The following CACNA1C variants were observed in gnomAD, a reference collection of about 807,000 sequenced individuals.
CACNA1C encodes calcium voltage-gated channel subunit alpha1 C, also known as voltage-dependent L-type calcium channel subunit alpha-1C.
In CACNA1C, 30 loss-of-function variants were observed where a neutral mutation model predicts 229.0. That is an observed-to-expected ratio of 0.13 (90% confidence interval 0.10 to 0.18). The LOEUF is 0.18. Ranked by LOEUF, CACNA1C falls within the 10% of genes least tolerant of loss-of-function variation. The pLI, the probability that CACNA1C is intolerant of heterozygous loss-of-function variation, is 1.00. For missense variants in CACNA1C, 1,658 were observed against 2,845.0 expected (o/e 0.58, Z 9.49); for synonymous variants, 1,114 against 1,132.5 (o/e 0.98, Z 0.33).
intron 3 of CACNA1C, among the ~76,000 whole-genome samples, chr12:2,174,059 T>C (rs1000080401): frequency 6.6e-6 from 1 of 152,062 alleles, no homozygotes; most frequent in Admixed American, 6.5e-5. Context: ...TATTACATAA[T>C]ATGTTTAGTT....
intron 9 of CACNA1C, among the ~76,000 whole-genome samples, chr12:2,527,780 G>A (rs2099823995): frequency 6.6e-6 from 1 of 152,142 alleles, no homozygotes; most frequent in Admixed American, 6.5e-5. Flanking sequence ...TCCCCACAGG[G>A]GAGAGCATCT....
At chr12:2,500,439 T>C (rs1218014654) in intron 7 of CACNA1C, among the ~76,000 whole-genome samples, 1 of 152,212 alleles carries the variant, frequency 6.6e-6, no homozygotes, top group Non-Finnish European at 1.5e-5. Context: ...TCTGTGAGGT[T>C]AAATGTTCAC....
chr12:2,216,552 G>A (rs895132068), intron 3 of CACNA1C, among the ~76,000 whole-genome samples: 1 of 152,210 alleles, frequency 6.6e-6, no homozygotes, highest in East Asian at 1.9e-4. Context: ...ATAAGGCAGA[G>A]TTTTCTTAAA....
Position 2,585,335 on chromosome 12 carries a change from A to T in CACNA1C, c.2340-41A>T. The T allele has an allele frequency of 6.3e-7, 1 of 1,595,690 alleles. No individual in the cohort carries two copies. The highest frequency in any genetic ancestry group is 8.5e-7 in the Non-Finnish European group (1 of 1,170,988). On this transcript the variant is annotated intron_variant, in intron 16 of 46. Transcript: ENST00000399655. The surrounding 1 kb of genome is among the most constrained non-coding windows in gnomAD (Gnocchi z 4.1). Reference sequence around the variant, plus strand: ...CTCCTACACTGTTCCCTATCACTCCAGTAAACAGCCATTTATTTTTTTCTG... The same window carrying T: ...CTCCTACACTGTTCCCTATCACTCCTGTAAACAGCCATTTATTTTTTTCTG...
intron 9 of CACNA1C, 95 bp from the exon 10 acceptor site, chr12:2,549,848 G>C: frequency 1.2e-6 from 1 of 854,226 alleles, no homozygotes; most frequent in East Asian, 2.7e-5. Flanking sequence ...AACCCGCACT[G>C]GGTCTTGCGG....
chr12:2,582,970 T>C, intron 15 of CACNA1C, 28 bp downstream of exon 15: 1 of 1,302,770 alleles, frequency 7.7e-7, no homozygotes, highest in Non-Finnish European at 1.0e-6. Context: ...CCCCCACCCC[T>C]GCGGCCCCCA....
At position 2,688,773 on chromosome 12, in the gene CACNA1C, G is replaced by T; in HGVS notation, c.6111G>T (p.Val2037=). The T allele has an allele frequency of 6.5e-7, 1 of 1,530,632 alleles. No individual in the cohort carries two copies. 94.8% of individuals were successfully genotyped at this position (1,530,632 alleles called of 1,614,324 possible). Residue 2037 remains valine, a synonymous_variant, in exon 46 of 47, where the codon GTG becomes GTT. Transcript: ENST00000399655. ...RQFHGSASSL[V]EAVLISEGLG... is the part of the protein sequence containing the mutation. ...TCCACGGCAGTGCCAGCAGCCTGGT[G>T]GAAGCGGTAGGTGACTCGCAGATGG...
intron 18 of CACNA1C, among the ~76,000 whole-genome samples, chr12:2,591,516 T>C (rs762833991): frequency 9.9e-5 from 15 of 152,220 alleles, no homozygotes; most frequent in African/African-American, 1.4e-4. Flanking sequence ...GCAGAGGTTC[T>C]GCTGGGATCC....
chr12:2,253,454 A>G (rs556299096), intron 3 of CACNA1C, among the ~76,000 whole-genome samples: 157 of 152,230 alleles, frequency 1.0e-3, no homozygotes, highest in Non-Finnish European at 1.6e-3. Context: ...TGACTGATCC[A>G]TGTGGAAGGC....
chr12:2,435,548 A>T, intron 3 of CACNA1C, among the ~76,000 whole-genome samples: 1 of 152,264 alleles, frequency 6.6e-6, no homozygotes, highest in African/African-American at 2.4e-5. Flanking sequence ...GGCAGGGGGA[A>T]GGGTTGCCCG....
intron 3 of CACNA1C, among the ~76,000 whole-genome samples, chr12:2,409,246 G>A (rs912998283): frequency 4.6e-5 from 7 of 152,224 alleles, no homozygotes; most frequent in Admixed American, 6.5e-5. Flanking sequence ...GAATTGGGAT[G>A]TTTGGGTTCC....
chr12:2,261,124 C>G (rs895496562), intron 3 of CACNA1C, among the ~76,000 whole-genome samples: 1 of 151,674 alleles, frequency 6.6e-6, no homozygotes, highest in Non-Finnish European at 1.5e-5. Context: ...CCCAGCTACT[C>G]GGAAGGCTGA....
chr12:2,342,170 G>A (rs992237036), intron 3 of CACNA1C, among the ~76,000 whole-genome samples: 2 of 152,146 alleles, frequency 1.3e-5, no homozygotes, highest in African/African-American at 4.8e-5. Flanking sequence ...GGTGTCACCC[G>A]ACAGATTGCA....
intron 3 of CACNA1C, among the ~76,000 whole-genome samples, chr12:2,265,879 C>T (rs2082201438): frequency 6.6e-6 from 1 of 152,250 alleles, no homozygotes; most frequent in African/African-American, 2.4e-5. Flanking sequence ...TCTCTGTAGC[C>T]TCCTGGTTCC....
chr12:2,222,039 G>C (rs1248894602), intron 3 of CACNA1C, among the ~76,000 whole-genome samples: 2 of 152,106 alleles, frequency 1.3e-5, no homozygotes, highest in African/African-American at 4.8e-5. Context: ...GGTATAATAG[G>C]TATACATTAG....
rs546639824 is a variant in CACNA1C, at chr12:2,107,698, A to G, written c.50-7526A>G. Among the ~76,000 whole-genome samples, 3 of 152,286 alleles carry G rather than the reference A, an allele frequency of 2.0e-5. 1 individual carries two copies. In the East Asian group the frequency reaches 5.8e-4, roughly 29 times the overall value. On this transcript the variant is annotated intron_variant, in intron 1 of 46. Transcript: ENST00000399655. ...TTCTACATTGTTTTTTGGGTCTTAG[A>G]CTCTCTTATGCTTTGAAAATATGTC...
intron 3 of CACNA1C, among the ~76,000 whole-genome samples, chr12:2,128,457 C>T (rs568533819): frequency 3.8e-4 from 58 of 152,230 alleles, no homozygotes; most frequent in African/African-American, 1.3e-3. Context: ...GTCGCCCAGG[C>T]TGGAGTGCAG....
At chr12:2,239,888 G>A (rs541914115) in intron 3 of CACNA1C, among the ~76,000 whole-genome samples, 9 of 152,368 alleles carry the variant, frequency 5.9e-5, no homozygotes, top group African/African-American at 2.2e-4. Flanking sequence ...TGATGGCCAG[G>A]GGAGTGGGAT....
chr12:2,541,623 C>G (rs536565104), intron 9 of CACNA1C, among the ~76,000 whole-genome samples: 1 of 152,322 alleles, frequency 6.6e-6, no homozygotes, highest in East Asian at 1.9e-4. Flanking sequence ...GGCATCAACC[C>G]TCTTCCTCCC....
Sources: allele counts gnomAD v4.1 joint callset (sites outside exome capture counted in the v4.1 genomes callset), GRCh38; gene constraint gnomAD v4.1.1; non-coding constraint Gnocchi (gnomAD v3.1); transcripts MANE v1.5; gene names NCBI Gene and HGNC (gene_info 2026-07-23, HGNC 2026-07-21).